The following NID1 variants were observed in gnomAD, a reference collection of about 807,000 sequenced individuals.
NID1 encodes the protein nidogen-1.
A neutral mutation model predicts 130.6 loss-of-function variants in NID1; 76 were observed. The observed-to-expected ratio is 0.58, with a 90% CI of 0.48 to 0.70. NID1 has a LOEUF of 0.70. Ranked by LOEUF, NID1 falls within the 30% of genes least tolerant of loss-of-function variation. The probability of loss-of-function intolerance (pLI) is 0.00; values close to 1 mark genes in which losing one functional copy is unlikely to be tolerated. For missense variants in NID1, 1,517 were observed against 1,664.8 expected (o/e 0.91, Z 1.54); for synonymous variants, 665 against 675.1 (o/e 0.98, Z 0.23).
intron 9 of NID1, among the ~76,000 whole-genome samples, chr1:236,020,628 G>A (rs1394918858): frequency 6.6e-6 from 1 of 152,028 alleles, no homozygotes; most frequent in Non-Finnish European, 1.5e-5. Context: ...TCATATCAGC[G>A]CTGCACACAC....
At chr1:235,981,233 G>A (rs1024274622) in intron 16 of NID1, among the ~76,000 whole-genome samples, 8 of 152,194 alleles carry the variant, frequency 5.3e-5, no homozygotes, top group African/African-American at 1.9e-4. Context: ...GGATCTCCAG[G>A]GTGTTCAGTC....
chr1:236,001,329 A>T, intron 12 of NID1, among the ~76,000 whole-genome samples: 1 of 151,224 alleles, frequency 6.6e-6, no homozygotes. Flanking sequence ...CTGGTCTCGA[A>T]CTCCTGACCT....
At chr1:236,019,811 G>A (rs1033637928) in intron 9 of NID1, among the ~76,000 whole-genome samples, 2 of 152,106 alleles carry the variant, frequency 1.3e-5, no homozygotes, top group African/African-American at 4.8e-5. Context: ...GGAGGCTGAG[G>A]CAGGCAGATC....
Position 236,045,622 on chromosome 1 carries a change from T to C in NID1, c.587A>G (p.Tyr196Cys). 6.2e-7 allele frequency: 1 copy of C among 1,614,170 alleles called. No individual in the cohort carries two copies. The highest frequency in any genetic ancestry group is 8.5e-7 in the Non-Finnish European group (1 of 1,180,036). ...ATGGAACTGCAGACCATCCTCAGGA[T>C]AAAGGAAAATGGCATAGGAGCTGGA... ...SDSSSYAIFL[Y>C]PEDGLQFHTT... is the part of the protein sequence containing the mutation. The change falls in exon 3 of 20, where the codon TAT becomes TGT. Residue 196 changes from tyrosine to cysteine, a missense_variant. Around this residue, in one of 3 missense-constraint regions of NID1, gnomAD observed 1,329 missense variants for 1,429.2 expected, o/e 0.93. Coordinates refer to ENST00000264187, the MANE Select transcript of NID1 (RefSeq NM_002508.3).
chr1:236,024,251 A>C, intron 8 of NID1, 38 bp from the exon 9 acceptor site: 4 of 1,609,188 alleles, frequency 2.5e-6, no homozygotes, highest in Non-Finnish European at 3.4e-6. Context: ...GTGAGTCTTC[A>C]GGAGCTCTTG....
chr1:235,980,031 G>A, intron 17 of NID1, 86 bp from the exon 18 acceptor site: 2 of 1,452,222 alleles, frequency 1.4e-6, no homozygotes, highest in Non-Finnish European at 1.9e-6. Context: ...GAGGGCAAGA[G>A]TGGGAGAAAT....
intron 12 of NID1, among the ~76,000 whole-genome samples, chr1:236,005,510 G>T (rs987908015): frequency 2.6e-5 from 4 of 152,112 alleles, no homozygotes; most frequent in Non-Finnish European, 5.9e-5. Flanking sequence ...TTACTAAAAA[G>T]ATTTCTTCTA....
intron 9 of NID1, 79 bp from the exon 10 acceptor site, chr1:236,017,352 GT>G: frequency 6.8e-7 from 1 of 1,478,736 alleles, no homozygotes; most frequent in East Asian, 2.3e-5. Context: ...AAATAGCATT[GT>G]CACCTAAGAA....
rs531046981 is a variant in NID1, at chr1:236,003,178, G to A, written c.2527+8743C>T. On this transcript the variant is annotated intron_variant, in intron 12 of 19. Transcript: ENST00000264187. ...GAACGACTGGTAGTTGTCACTCCTA[G>A]TGAACGACTGGTAGTTGTCACTCCT... Among the ~76,000 whole-genome samples the A allele has an allele frequency of 1.3e-5, 2 of 149,178 alleles. 1 individual carries two copies. The highest frequency in any genetic ancestry group is 5.0e-5 in the African/African-American group (2 of 39,632).
intron 8 of NID1, 109 bp from the exon 9 acceptor site, chr1:236,024,322 A>G: frequency 1.5e-6 from 2 of 1,335,430 alleles, no homozygotes; most frequent in Non-Finnish European, 2.1e-6. Flanking sequence ...TGATCACAGA[A>G]GAGCAGAGTG....
intron 15 of NID1, among the ~76,000 whole-genome samples, chr1:235,983,846 G>C (rs927896620): frequency 6.6e-6 from 1 of 152,104 alleles, no homozygotes; most frequent in African/African-American, 2.4e-5. Context: ...GTAACTCAAG[G>C]AAAGAAAGAA....
intron 9 of NID1, among the ~76,000 whole-genome samples, chr1:236,020,090 C>A (rs1188364315): frequency 1.3e-5 from 2 of 150,442 alleles, no homozygotes; most frequent in Admixed American, 6.6e-5. Context: ...TAAATTGAAG[C>A]CAGGTCCTTA....
chr1:235,980,079 G>C (rs895655902), intron 17 of NID1, 134 bp from the exon 18 acceptor site: 1 of 1,070,560 alleles, frequency 9.3e-7, no homozygotes, highest in African/African-American at 1.6e-5. Flanking sequence ...AACACATGAG[G>C]CTTGCTCTTA....
Position 236,017,138 on chromosome 1 carries a change from G to C in NID1, c.2254+10C>G. On this transcript the variant is annotated intron_variant, in intron 10 of 19. Coordinates refer to ENST00000264187, the MANE Select transcript of NID1 (RefSeq NM_002508.3). ...GAATACTGTTTCGAAAAGTTACCTG[G>C]AGAACTTACCCACACACGTTCCCTC... is the stretch of plus-strand genomic sequence containing the variant. 6.2e-7 allele frequency: 1 copy of C among 1,614,012 alleles called. No individual in the cohort carries two copies. Among genetic ancestry groups the C allele is most frequent in the Non-Finnish European group, 8.5e-7 (1 of 1,179,964 alleles).
At chr1:235,989,878 C>G (rs977859758) in intron 14 of NID1, among the ~76,000 whole-genome samples, 14 of 152,088 alleles carry the variant, frequency 9.2e-5, no homozygotes, top group African/African-American at 3.4e-4. Flanking sequence ...AGCCAGAGGG[C>G]CAGAGGGTTG....
At chr1:236,037,946 C>A (rs952634750) in intron 5 of NID1, among the ~76,000 whole-genome samples, 158 bp downstream of exon 5, 1 of 151,876 alleles carries the variant, frequency 6.6e-6, no homozygotes, top group South Asian at 2.1e-4. Context: ...GTAGAGAATA[C>A]GAGAAAAAAT....
At chr1:235,983,035 C>T (rs1572575578) in intron 15 of NID1, among the ~76,000 whole-genome samples, 3 of 152,096 alleles carry the variant, frequency 2.0e-5, no homozygotes, top group South Asian at 2.1e-4. Context: ...CCACCATGCC[C>T]GGCTAATTTT....
chr1:236,064,711 G>C (rs1660143090), intron 1 of NID1, 144 bp downstream of exon 1: 1 of 710,760 alleles, frequency 1.4e-6, no homozygotes, highest in Non-Finnish European at 2.4e-6. Context: ...CTGCAGAGGC[G>C]GGAGACCCTG....
chr1:236,036,741 T>C (rs1659273380), intron 5 of NID1, among the ~76,000 whole-genome samples: 1 of 152,198 alleles, frequency 6.6e-6, no homozygotes, highest in South Asian at 2.1e-4. Context: ...ATGGGACTGA[T>C]GGCTTTACAG....
Sources: allele counts gnomAD v4.1 joint callset (sites outside exome capture counted in the v4.1 genomes callset), GRCh38; gene constraint gnomAD v4.1.1; regional missense constraint gnomAD v4.1.1; transcripts MANE v1.5; gene names NCBI Gene and HGNC (gene_info 2026-07-23, HGNC 2026-07-21).